ADAMTS17: variants seen among roughly 807,000 people sequenced by gnomAD.
ADAMTS17 encodes A disintegrin and metalloproteinase with thrombospondin motifs 17.
ADAMTS17 carries 113 observed loss-of-function variants against 141.5 expected under a neutral mutation model. That is an observed-to-expected ratio of 0.80 (90% CI 0.69 to 0.93). ADAMTS17 has a LOEUF of 0.93. Ranked by LOEUF, ADAMTS17 falls within the 40% of genes least tolerant of loss-of-function variation. ADAMTS17 has a pLI of 0.00. For missense variants in ADAMTS17, 1,659 were observed against 1,517.9 expected (o/e 1.09, Z -1.54); for synonymous variants, 768 against 630.6 (o/e 1.22, Z -3.27).
At chr15:100,285,926 T>C (rs2044431527) in intron 3 of ADAMTS17, among the ~76,000 whole-genome samples, 1 of 152,148 alleles carries the variant, frequency 6.6e-6, no homozygotes, top group South Asian at 2.1e-4. Context: ...GAGGACAGTC[T>C]GATCTGAGCA....
Position 100,099,188 on chromosome 15 carries a change from C to G in ADAMTS17, c.2017-2712G>C, listed in dbSNP as rs7181519. Reference sequence around the variant, plus strand: ...TCTGGAGACCATCCAGGGGCTGGGACAGGTCCATGGGTTCTGCCCACTCTA... The same window carrying G: ...TCTGGAGACCATCCAGGGGCTGGGAGAGGTCCATGGGTTCTGCCCACTCTA... On this transcript the variant is annotated intron_variant, in intron 14 of 21. Transcript: ENST00000268070. Among the ~76,000 whole-genome samples the G allele has an allele frequency of 1.7e-4, 26 of 152,080 alleles. No individual in the cohort carries two copies. The East Asian group carries it at 4.8e-3, about 28-fold the overall frequency.
chr15:100,275,537 C>G (rs1019343123), intron 4 of ADAMTS17, among the ~76,000 whole-genome samples: 1 of 152,178 alleles, frequency 6.6e-6, no homozygotes, highest in African/African-American at 2.4e-5. Flanking sequence ...AGGATGGGTT[C>G]CAGACATGCC....
At chr15:100,072,538 G>A (rs2034053795) in intron 15 of ADAMTS17, among the ~76,000 whole-genome samples, 1 of 152,038 alleles carries the variant, frequency 6.6e-6, no homozygotes, top group South Asian at 2.1e-4. Context: ...AAAACAGCAT[G>A]GTACTGGTAC....
Position 100,199,434 on chromosome 15 carries a change from G to C in ADAMTS17, c.1076-11C>G. On this transcript the variant is annotated splice_polypyrimidine_tract_variant and intron_variant, in intron 7 of 21. Transcript: ENST00000268070. ...CTAAGTAAGCAATTCCTGCAGCAGA[G>C]ACACAAAACACATCCTCTTCAGAAC... is the stretch of plus-strand genomic sequence containing the variant. 6.2e-7 allele frequency: 1 copy of C among 1,611,292 alleles called. No homozygotes were observed. The highest frequency in any genetic ancestry group is 8.5e-7 in the Non-Finnish European group (1 of 1,177,484).
chr15:100,068,495 C>T (rs888138176), intron 15 of ADAMTS17, among the ~76,000 whole-genome samples: 1 of 152,232 alleles, frequency 6.6e-6, no homozygotes, highest in African/African-American at 2.4e-5. Context: ...AATTGGGAGG[C>T]ACCCCCCAGT....
chr15:100,055,553 G>A (rs1473659882), intron 15 of ADAMTS17, among the ~76,000 whole-genome samples: 1 of 152,124 alleles, frequency 6.6e-6, no homozygotes, highest in African/African-American at 2.4e-5. Flanking sequence ...GGCTTCCAGT[G>A]GGGTCTCGTA....
At chr15:100,171,723 C>G (rs1164870530) in intron 8 of ADAMTS17, among the ~76,000 whole-genome samples, 1 of 152,184 alleles carries the variant, frequency 6.6e-6, no homozygotes, top group African/African-American at 2.4e-5. Context: ...TTCTCTACAC[C>G]TCAATGGCCC....
At chr15:100,288,364 A>G (rs1038414037) in intron 3 of ADAMTS17, among the ~76,000 whole-genome samples, 30 of 152,380 alleles carry the variant, frequency 2.0e-4, no homozygotes, top group African/African-American at 7.2e-4. Flanking sequence ...GCAGATTCAT[A>G]AAACAATTTC....
rs1279334518 is a variant in ADAMTS17 at position 100,275,069 on chromosome 15, G to A, written c.789+6160C>T. The stretch of plus-strand genomic sequence containing the variant: ...GGAAAGAGCAGGCTTTTATGTTGAG[G>A]AAAACAGGGTGGGCCTCATCAGAGG... On this transcript the variant is annotated intron_variant, in intron 4 of 21. Coordinates refer to ENST00000268070, the MANE Select transcript of ADAMTS17 (RefSeq NM_139057.4). Among the ~76,000 whole-genome samples, 3 of 152,290 alleles carry A rather than the reference G, an allele frequency of 2.0e-5. No homozygotes were observed. In the South Asian group the frequency reaches 6.2e-4, roughly 32 times the overall value.
chr15:100,189,189 T>C (rs979067648), intron 8 of ADAMTS17, among the ~76,000 whole-genome samples: 1 of 152,254 alleles, frequency 6.6e-6, no homozygotes, highest in Non-Finnish European at 1.5e-5. Flanking sequence ...GCCTCTCCAC[T>C]GTGTGCAGCA....
intron 7 of ADAMTS17, among the ~76,000 whole-genome samples, chr15:100,220,967 T>C (rs1042775651): frequency 6.6e-6 from 1 of 152,196 alleles, no homozygotes; most frequent in African/African-American, 2.4e-5. Flanking sequence ...AATGCGACTG[T>C]GATTATTCAC....
At chr15:100,263,824 T>C (rs1239971873) in intron 4 of ADAMTS17, among the ~76,000 whole-genome samples, 1 of 152,224 alleles carries the variant, frequency 6.6e-6, no homozygotes, top group Admixed American at 6.5e-5. Context: ...ATTAAAACTT[T>C]CTCCAGCAGG....
chr15:100,256,460 C>T (rs1296312269), intron 6 of ADAMTS17: 1 of 152,206 alleles, frequency 6.6e-6, no homozygotes, highest in Non-Finnish European at 1.5e-5. Flanking sequence ...ACTGACGTTT[C>T]CAGACCCTTT....
intron 3 of ADAMTS17, among the ~76,000 whole-genome samples, chr15:100,307,453 G>A (rs1245732288): frequency 6.6e-6 from 1 of 152,180 alleles, no homozygotes; most frequent in Non-Finnish European, 1.5e-5. Flanking sequence ...AGCAAGCAAG[G>A]AAGCCCCAGC....
At chr15:100,130,982 A>G (rs1175216621) in intron 12 of ADAMTS17, among the ~76,000 whole-genome samples, 1 of 152,190 alleles carries the variant, frequency 6.6e-6, no homozygotes, top group East Asian at 1.9e-4. Flanking sequence ...CCCATCAATG[A>G]TAGACTGGAT....
chr15:100,148,517 C>T (rs1433320624), intron 10 of ADAMTS17, among the ~76,000 whole-genome samples: 2 of 150,964 alleles, frequency 1.3e-5, no homozygotes, highest in African/African-American at 4.9e-5. Flanking sequence ...TGTAGGCTGA[C>T]AGCCTTTTTT....
At chr15:100,206,258 C>G (rs564992100) in intron 7 of ADAMTS17, among the ~76,000 whole-genome samples, 2 of 152,232 alleles carry the variant, frequency 1.3e-5, no homozygotes, top group African/African-American at 4.8e-5. Flanking sequence ...CATGCCCTGA[C>G]CAGCCTGCCG....
At chr15:99,992,973 C>T (rs2060721049) in intron 20 of ADAMTS17, 75 bp downstream of exon 20, 2 of 1,593,150 alleles carry the variant, frequency 1.3e-6, no homozygotes, top group South Asian at 2.2e-5. Context: ...TGGGACCCGT[C>T]ACAAGAGCTG....
intron 6 of ADAMTS17, among the ~76,000 whole-genome samples, chr15:100,261,191 T>C (rs1006079416): frequency 2.0e-5 from 3 of 152,090 alleles, no homozygotes; most frequent in Non-Finnish European, 4.4e-5. Context: ...CCATGACTGT[T>C]ATATTTATAG....
Sources: allele counts gnomAD v4.1 joint callset (sites outside exome capture counted in the v4.1 genomes callset), GRCh38; gene constraint gnomAD v4.1.1; transcripts MANE v1.5; gene names NCBI Gene and HGNC (gene_info 2026-07-23, HGNC 2026-07-21).